RALGPS1: variants seen among roughly 807,000 people sequenced by gnomAD.
RALGPS1 encodes the protein Ral GEF with PH domain and SH3 binding motif 1.
A neutral mutation model predicts 78.8 loss-of-function variants in RALGPS1; 19 were observed. The ratio of observed to expected loss-of-function variants is 0.24; its 90% CI spans 0.17 to 0.35. The LOEUF (loss-of-function observed/expected upper bound fraction) is 0.35, where lower values mean the gene tolerates loss of function less well. Ranked by LOEUF, RALGPS1 falls within the 10% of genes least tolerant of loss-of-function variation. The probability of loss-of-function intolerance (pLI) is 1.00; values close to 1 mark genes in which losing one functional copy is unlikely to be tolerated. For synonymous variants in RALGPS1, 228 were observed against 256.3 expected, an observed-to-expected ratio of 0.89 and a Z score of 1.06; for missense variants, 454 against 688.3, an observed-to-expected ratio of 0.66 and a Z score of 3.81.
intron 5 of RALGPS1, among the ~76,000 whole-genome samples, chr9:127,041,853 A>C (rs2047347759): frequency 6.6e-6 from 1 of 152,210 alleles, no homozygotes; most frequent in Admixed American, 6.5e-5. Context: ...CAAGGGATGG[A>C]AACGGGGAGG....
chr9:126,957,048 C>T (rs568581762), intron 1 of RALGPS1, among the ~76,000 whole-genome samples: 1 of 152,332 alleles, frequency 6.6e-6, no homozygotes, highest in African/African-American at 2.4e-5. Flanking sequence ...TTCCATTTCC[C>T]TGAAGTCTGT....
At position 127,122,665 on chromosome 9, in the gene RALGPS1, A is replaced by G; in HGVS notation, c.611-43404A>G. ...CCCAACTCCTTTGTGGAGCCTTTAC[A>G]TGCCGCCAGAGGAAACTGTGAGCAC... is the stretch of plus-strand genomic sequence containing the variant. On this transcript the variant is annotated intron_variant, in intron 8 of 18. Coordinates refer to ENST00000259351, the MANE Select transcript of RALGPS1 (RefSeq NM_014636.3). This position sits in a 1 kb window ranked among gnomAD's most constrained non-coding sequence, Gnocchi z 6.4. 6.5e-6 allele frequency: 1 copy of G among 152,820 alleles called. No homozygotes were observed. The highest frequency in any genetic ancestry group is 1.5e-5 in the Non-Finnish European group (1 of 68,512). The allele number at this position is 152,820 out of a possible 1,614,324, so 9.5% of individuals were successfully genotyped here.
rs115616258 is a variant in RALGPS1, at chr9:127,170,325, G to T, written c.842+1553G>T. On this transcript the variant is annotated intron_variant, in intron 10 of 18. Coordinates refer to ENST00000259351, the MANE Select transcript of RALGPS1 (RefSeq NM_014636.3). ...AAACTCTAACCATCCAGATGTCTGG[G>T]GTGGGGCCTGAAAAATCTGTATTTT... Among the ~76,000 whole-genome samples, 282 of 152,276 alleles carry T rather than the reference G, an allele frequency of 1.9e-3. 1 individual carries two copies. The highest frequency in any genetic ancestry group is 6.4e-3 in the African/African-American group (264 of 41,546).
At chr9:127,046,610 G>A (rs944393108) in intron 5 of RALGPS1, among the ~76,000 whole-genome samples, 10 of 146,630 alleles carry the variant, frequency 6.8e-5, no homozygotes, top group Middle Eastern at 3.4e-3. Context: ...TATACAAAGA[G>A]CTTTTATCAA....
rs1292760052 is a variant in RALGPS1 at position 127,091,386 on chromosome 9, G to A, written c.610+22030G>A. 3.3e-5 allele frequency among the ~76,000 whole-genome samples: 5 copies of A among 152,194 alleles called. No homozygotes were observed. Among genetic ancestry groups the A allele is most frequent in the African/African-American group, 1.2e-4 (5 of 41,442 alleles). ...AGCCCAACACATGTCTTTCTGCATT[G>A]GCCCCAGCTGGCCCTGGTACGTGTG... On this transcript the variant is annotated intron_variant, in intron 8 of 18. Transcript: ENST00000259351. The surrounding 1 kb of genome is among the most constrained non-coding windows in gnomAD (Gnocchi z 4.3).
Position 127,174,730 on chromosome 9 carries a change from C to T in RALGPS1, c.858C>T (p.Ile286=), listed in dbSNP as rs1411442966. The T allele has an allele frequency of 3.7e-6, 6 of 1,614,030 alleles. No homozygotes were observed. The highest frequency in any genetic ancestry group is 2.2e-5 in the East Asian group (1 of 44,898). The change falls in exon 11 of 19, where the codon ATC becomes ATT. Residue 286 remains isoleucine, a synonymous_variant. Transcript: ENST00000259351. ...EDDNYKLSLR[I]EPGSSSPRLV... is the part of the protein sequence containing the mutation. The stretch of plus-strand genomic sequence containing the variant: ...TTGTTTTCAGACTGTCGCTCAGAAT[C>T]GAACCAGGAAGCAGCTCTCCAAGAC...
chr9:126,916,022 T>A (rs2034120844), intron 1 of RALGPS1, among the ~76,000 whole-genome samples: 1 of 152,164 alleles, frequency 6.6e-6, no homozygotes, highest in African/African-American at 2.4e-5. Flanking sequence ...TTTCCTCCGT[T>A]GCAAAATGAG....
At chr9:126,929,945 A>G (rs557997366) in intron 1 of RALGPS1, among the ~76,000 whole-genome samples, 2 of 151,992 alleles carry the variant, frequency 1.3e-5, no homozygotes, top group Non-Finnish European at 2.9e-5. Flanking sequence ...GGTTCAAGTG[A>G]TCCTTCCACC....
chr9:126,997,889 T>G (rs1190527500), intron 4 of RALGPS1, among the ~76,000 whole-genome samples: 1 of 152,188 alleles, frequency 6.6e-6, no homozygotes, highest in Non-Finnish European at 1.5e-5. Flanking sequence ...ATCTGATCTT[T>G]GACAAACCTG....
intron 1 of RALGPS1, among the ~76,000 whole-genome samples, chr9:126,942,567 G>A (rs1191609476): frequency 2.0e-5 from 3 of 152,170 alleles, no homozygotes; most frequent in African/African-American, 7.2e-5. Context: ...GTCTTGTCCT[G>A]CAAATCTGTT....
intron 8 of RALGPS1, among the ~76,000 whole-genome samples, chr9:127,102,239 G>GA (rs1209577477): frequency 2.6e-5 from 4 of 151,776 alleles, no homozygotes; most frequent in African/African-American, 9.7e-5. Flanking sequence ...AATTTATAAA[G>GA]AAAGGAAGTT....
intron 8 of RALGPS1, among the ~76,000 whole-genome samples, chr9:127,092,500 C>CT (rs1198558350): frequency 6.6e-6 from 1 of 152,072 alleles, no homozygotes; most frequent in African/African-American, 2.4e-5. Flanking sequence ...GTTACGGCCA[C>CT]TAAAGTCTTG....
At chr9:127,174,855 C>G (rs934178526) in intron 11 of RALGPS1, 73 bp downstream of exon 11, 1 of 1,401,374 alleles carries the variant, frequency 7.1e-7, no homozygotes, top group Non-Finnish European at 1.0e-6. Context: ...TGGCCTTGAC[C>G]GGGGAGGCCA....
chr9:127,167,619 C>T (rs2059360661), intron 9 of RALGPS1, among the ~76,000 whole-genome samples: 1 of 152,230 alleles, frequency 6.6e-6, no homozygotes, highest in African/African-American at 2.4e-5. Context: ...TGCGTCATCT[C>T]CATCAGTTTT....
At chr9:127,164,863 T>G (rs961221672) in intron 8 of RALGPS1, among the ~76,000 whole-genome samples, 16 of 152,206 alleles carry the variant, frequency 1.1e-4, no homozygotes, top group African/African-American at 3.6e-4. Flanking sequence ...ACGTTGTTAC[T>G]GTAATACTGT....
chr9:127,129,294 T>G (rs1421524720), intron 8 of RALGPS1, among the ~76,000 whole-genome samples: 2 of 152,172 alleles, frequency 1.3e-5, no homozygotes, highest in Non-Finnish European at 2.9e-5. Context: ...AGCGAAAAAT[T>G]CATAGACACT....
At chr9:127,121,743 C>T (rs906846557) in intron 8 of RALGPS1, among the ~76,000 whole-genome samples, 3 of 152,224 alleles carry the variant, frequency 2.0e-5, no homozygotes, top group African/African-American at 4.8e-5. Context: ...CTGGGTGATG[C>T]GTCCGTTCCC....
At chr9:127,125,449 C>A (rs1273167203) in intron 8 of RALGPS1, among the ~76,000 whole-genome samples, 1 of 152,218 alleles carries the variant, frequency 6.6e-6, no homozygotes, top group Non-Finnish European at 1.5e-5. Flanking sequence ...TTCTTATTCT[C>A]TCCGAAGCTC....
At chr9:127,187,054 C>T (rs957080413) in intron 11 of RALGPS1, among the ~76,000 whole-genome samples, 5 of 152,132 alleles carry the variant, frequency 3.3e-5, no homozygotes, top group South Asian at 2.1e-4. Context: ...TTGGAGCCTC[C>T]GCGTCTCACT....
Sources: gnomAD v4.1 joint callset for allele counts (sites outside exome capture counted in the v4.1 genomes callset) on GRCh38, gnomAD v4.1.1 for gene constraint, Gnocchi (gnomAD v3.1) non-coding constraint, MANE v1.5 for transcripts, NCBI Gene and HGNC (gene_info 2026-07-23, HGNC 2026-07-21) for gene names.